Variants in CDK15 observed in about 807,000 individuals in gnomAD.
CDK15 encodes the protein cyclin dependent kinase 15, also known as cyclin-dependent kinase 15.
A neutral mutation model predicts 60.3 loss-of-function variants in CDK15; 62 were observed. The ratio of observed to expected loss-of-function variants is 1.03; its 90% CI spans 0.84 to 1.27. The LOEUF (loss-of-function observed/expected upper bound fraction) is 1.27. CDK15 is among the 50% of genes most tolerant of loss of function. CDK15 has a pLI of 0.00. For synonymous variants in CDK15, 194 were observed against 195.7 expected, an observed-to-expected ratio of 0.99 and a Z score of 0.07; for missense variants, 541 against 527.8, an observed-to-expected ratio of 1.03 and a Z score of -0.25.
chr2:201,846,111 T>C (rs1697652223), intron 8 of CDK15, among the ~76,000 whole-genome samples: 1 of 152,126 alleles, frequency 6.6e-6, no homozygotes, highest in Admixed American at 6.6e-5. Flanking sequence ...TTATAATCAG[T>C]AGCATCTAAC....
At chr2:201,880,645 G>C (rs1699242901) in intron 12 of CDK15, among the ~76,000 whole-genome samples, 1 of 152,188 alleles carries the variant, frequency 6.6e-6, no homozygotes, top group South Asian at 2.1e-4. Context: ...GTGCCGGGGT[G>C]GGGTGCTGGG....
At chr2:201,881,158 G>C (rs1699265545) in intron 12 of CDK15, among the ~76,000 whole-genome samples, 1 of 152,136 alleles carries the variant, frequency 6.6e-6, no homozygotes, top group Admixed American at 6.5e-5. Context: ...AAACAGCCTG[G>C]TCCGCCTTGC....
chr2:201,842,122 C>T (rs1177429218), intron 8 of CDK15, among the ~76,000 whole-genome samples: 1 of 152,148 alleles, frequency 6.6e-6, no homozygotes, highest in East Asian at 1.9e-4. Context: ...TCAAACTCTG[C>T]ACGTATTAAA....
intron 9 of CDK15, 197 bp from the exon 10 acceptor site, chr2:201,854,677 A>G: frequency 3.5e-6 from 2 of 577,852 alleles, no homozygotes; most frequent in Non-Finnish European, 6.2e-6. Context: ...GGAATGTATT[A>G]CAGTTTTGCC....
At chr2:201,850,652 C>G (rs112793815) in intron 9 of CDK15, among the ~76,000 whole-genome samples, 4 of 152,114 alleles carry the variant, frequency 2.6e-5, no homozygotes, top group African/African-American at 7.2e-5. Context: ...TGGGTACATG[C>G]CCTGTATTGG....
chr2:201,867,838 C>G (rs1192312256), intron 10 of CDK15, among the ~76,000 whole-genome samples: 1 of 152,118 alleles, frequency 6.6e-6, no homozygotes. Flanking sequence ...CTTACTGAGC[C>G]CCTACGACTG....
intron 6 of CDK15, among the ~76,000 whole-genome samples, chr2:201,831,505 C>T (rs1475673039): frequency 1.3e-5 from 2 of 152,074 alleles, no homozygotes; most frequent in Non-Finnish European, 2.9e-5. Context: ...AATGAAGAAT[C>T]CAGGTTGGAA....
intron 12 of CDK15, chr2:201,888,649 T>G: frequency 2.2e-6 from 3 of 1,367,816 alleles, no homozygotes; most frequent in Non-Finnish European, 2.8e-6. Flanking sequence ...AGTCTGGCAG[T>G]CCACAGCCAA....
At chr2:201,869,351 G>A (rs1159804411) in intron 10 of CDK15, among the ~76,000 whole-genome samples, 3 of 151,514 alleles carry the variant, frequency 2.0e-5, no homozygotes, top group Middle Eastern at 3.4e-3. Context: ...AACACAGGGC[G>A]GGGAACATCA....
intron 7 of CDK15, among the ~76,000 whole-genome samples, chr2:201,834,172 C>T (rs923356076): frequency 3.3e-5 from 5 of 152,108 alleles, no homozygotes; most frequent in African/African-American, 1.2e-4. Flanking sequence ...CCACCAAGTC[C>T]CAGTTTAGTC....
At chr2:201,865,431 G>A (rs551521032) in intron 10 of CDK15, among the ~76,000 whole-genome samples, 19 of 152,254 alleles carry the variant, frequency 1.2e-4, no homozygotes, top group African/African-American at 2.6e-4. Context: ...AGGCTTTAGC[G>A]GATGGGATAT....
chr2:201,857,485 G>A (rs1180424801), intron 10 of CDK15, among the ~76,000 whole-genome samples: 1 of 152,028 alleles, frequency 6.6e-6, no homozygotes, highest in Non-Finnish European at 1.5e-5. Flanking sequence ...TACACAGATG[G>A]AGAGGGTGCA....
At chr2:201,840,834 G>A (rs759585056) in intron 8 of CDK15, among the ~76,000 whole-genome samples, 2 of 152,072 alleles carry the variant, frequency 1.3e-5, no homozygotes, top group African/African-American at 2.4e-5. Context: ...TTATGATTAT[G>A]CAGTTTTCTC....
At chr2:201,857,694 T>C (rs1698204689) in intron 10 of CDK15, among the ~76,000 whole-genome samples, 1 of 152,180 alleles carries the variant, frequency 6.6e-6, no homozygotes, top group African/African-American at 2.4e-5. Flanking sequence ...GATTTGGAAA[T>C]CTTAAAAGTC....
Position 201,815,591 on chromosome 2 carries a change from G to A in CDK15, c.448+3029G>A, listed in dbSNP as rs1249646979. Among the ~76,000 whole-genome samples the A allele has an allele frequency of 3.3e-5, 5 of 152,144 alleles. No individual in the cohort carries two copies. The East Asian group carries it at 7.7e-4, about 23-fold the overall frequency. On this transcript the variant is annotated intron_variant, in intron 4 of 13. Transcript: ENST00000652192. ...CAACTAGGAGGAAATACTTTCATTT[G>A]AATAGGCTAATGTGTTATGTTTTTA...
At chr2:201,880,773 T>C (rs2105833262) in intron 12 of CDK15, among the ~76,000 whole-genome samples, 1 of 152,150 alleles carries the variant, frequency 6.6e-6, no homozygotes, top group South Asian at 2.1e-4. Flanking sequence ...TGAGGGATCA[T>C]GTGGTTGGAA....
chr2:201,838,060 G>A (rs1259379849), intron 8 of CDK15, among the ~76,000 whole-genome samples: 2 of 152,100 alleles, frequency 1.3e-5, no homozygotes, highest in Non-Finnish European at 2.9e-5. Context: ...TCTTAATGAT[G>A]TCTTCCTGAT....
chr2:201,824,874 A>G lies in CDK15; in HGVS notation c.606+1147A>G. The G allele has an allele frequency of 3.4e-6, 2 of 584,864 alleles. 1 individual carries two copies. 36.2% of individuals were successfully genotyped at this position (584,864 alleles called of 1,614,324 possible). Reference sequence around the variant, plus strand: ...CCACAGGCCCTTCCCCTTCCCCCATACTTGATGTAAGCAGTCTTCATTTTC... The same window carrying G: ...CCACAGGCCCTTCCCCTTCCCCCATGCTTGATGTAAGCAGTCTTCATTTTC... On this transcript the variant is annotated intron_variant, in intron 6 of 13. Transcript: ENST00000652192.
In CDK15 at chr2:201,812,489, T is replaced by C. The variant is rs145971794; in HGVS notation, c.375T>C (p.Asn125=). ...CTCAATCCCTCTCTTCTAGAATAAA[T>C]GGACAACTAGTGGCTTTAAAAGTCA... ...ATVYKGISRI[N]GQLVALKVIS... is the part of the protein sequence containing the mutation. The change falls in exon 4 of 14, where the codon AAT becomes AAC. Residue 125 remains asparagine, a synonymous_variant. Coordinates refer to ENST00000652192, the MANE Select transcript of CDK15 (RefSeq NM_001366386.2). The C allele has an allele frequency of 1.2e-6, 2 of 1,611,738 alleles. No homozygotes were observed. Among genetic ancestry groups the C allele is most frequent in the African/African-American group, 1.3e-5 (1 of 74,992 alleles).
Sources: gnomAD v4.1 joint callset for allele counts (sites outside exome capture counted in the v4.1 genomes callset) on GRCh38, gnomAD v4.1.1 for gene constraint, MANE v1.5 for transcripts, NCBI Gene and HGNC (gene_info 2026-07-23, HGNC 2026-07-21) for gene names.